The following MS4A12 variants were observed in gnomAD, a reference collection of about 807,000 sequenced individuals.
MS4A12 encodes membrane spanning 4-domains A12.
Under a neutral mutation model 23.7 loss-of-function variants are expected in MS4A12, and 28 were observed. That is an observed-to-expected ratio of 1.18 (90% CI 0.88 to 1.62). MS4A12 has a LOEUF of 1.62. Ranked by LOEUF, MS4A12 falls within the 40% of genes most tolerant of loss-of-function variation. The pLI is 0.00. For missense variants in MS4A12, 342 were observed against 327.0 expected (o/e 1.05, Z -0.35); for synonymous variants, 108 against 110.1 (o/e 0.98, Z 0.12).
intron 2 of MS4A12, 167 bp downstream of exon 2, chr11:60,497,761 C>T: frequency 1.3e-6 from 1 of 776,036 alleles, no homozygotes. Flanking sequence ...GAGTTCATTT[C>T]ATTTTAGATC....
chr11:60,506,575 C>T (rs759282071), intron 5 of MS4A12, among the ~76,000 whole-genome samples, 153 bp from the exon 6 acceptor site: 15 of 152,206 alleles, frequency 9.9e-5, no homozygotes, highest in Non-Finnish European at 1.9e-4. Flanking sequence ...TAAATTCACA[C>T]TCCTCTGGAA....
intron 1 of MS4A12, among the ~76,000 whole-genome samples, chr11:60,495,482 G>A (rs867379791): frequency 6.6e-6 from 1 of 151,844 alleles, no homozygotes; most frequent in Non-Finnish European, 1.5e-5. Context: ...AAAGGGTACA[G>A]AGATAATGTA....
At position 60,502,025 on chromosome 11, in the gene MS4A12, C is replaced by T. The variant is rs750446764; in HGVS notation, c.457C>T (p.Leu153Phe). Residue 153 changes from leucine (L) to phenylalanine (F), a missense_variant, in exon 4 of 7, where the codon CTT becomes TTT. Physicochemically the swap from Leu to Phe is conservative, Grantham distance 22 (BLOSUM62 0). Transcript: ENST00000016913. ...GSLSVSASKE[L>F]SRCLVKGSLG... ...TCTCTCTGTGTCAGCATCCAAGGAG[C>T]TTTCCCGTTGTCTGGTAAGTTAGAC... The T allele has an allele frequency of 6.8e-6, 11 of 1,612,640 alleles. No individual in the cohort carries two copies. The highest frequency in any genetic ancestry group is 8.5e-6 in the Non-Finnish European group (10 of 1,178,674).
At chr11:60,501,846 A>G in intron 3 of MS4A12, 137 bp from the exon 4 acceptor site, 1 of 735,586 alleles carries the variant, frequency 1.4e-6, no homozygotes, top group South Asian at 1.8e-5. Context: ...GAGTTACTCC[A>G]GAAAATTCAG....
chr11:60,506,726 A>G lies in MS4A12; in HGVS notation c.589-2A>G. On this transcript the variant is annotated splice_acceptor_variant, in intron 5 of 6. Coordinates refer to ENST00000016913, the MANE Select transcript of MS4A12 (RefSeq NM_017716.3). LOFTEE classifies it high-confidence loss of function. ...AATTTCACTATTTATTTATGATTTC[A>G]GCTTTCTGGAAAAGGCATTTCAGCC... is the stretch of plus-strand genomic sequence containing the variant. 1 of 1,613,282 alleles carries G rather than the reference A, an allele frequency of 6.2e-7. No individual in the cohort carries two copies. Among genetic ancestry groups the G allele is most frequent in the Non-Finnish European group, 8.5e-7 (1 of 1,179,238 alleles).
At chr11:60,501,891 T>A in intron 3 of MS4A12, 92 bp from the exon 4 acceptor site, 1 of 1,169,428 alleles carries the variant, frequency 8.6e-7, no homozygotes, top group Admixed American at 2.1e-5. Context: ...GGAAACTAGA[T>A]GAACATAAAT....
chr11:60,495,859 A>G (rs186323739), intron 1 of MS4A12, among the ~76,000 whole-genome samples: 5 of 152,322 alleles, frequency 3.3e-5, no homozygotes, highest in Admixed American at 6.5e-5. Context: ...ACTCCTCTCC[A>G]TGGCATCAGA....
At chr11:60,501,607 G>A (rs1001499399) in intron 3 of MS4A12, among the ~76,000 whole-genome samples, 1 of 152,102 alleles carries the variant, frequency 6.6e-6, no homozygotes. Flanking sequence ...CCAGCTACTT[G>A]GGAGGCTGAG....
chr11:60,502,066 A>C (rs930576787), intron 4 of MS4A12, 27 bp downstream of exon 4: 1 of 1,582,972 alleles, frequency 6.3e-7, no homozygotes. Context: ...CTACTTTTTG[A>C]ACCCCTTTAA....
In MS4A12 at chr11:60,507,296, C is replaced by T; in HGVS notation, c.*172C>T. The T allele has an allele frequency of 1.7e-6, 1 of 600,132 alleles. No homozygotes were observed. The highest frequency in any genetic ancestry group is 2.9e-5 in the Admixed American group (1 of 34,036). 37.2% of individuals were successfully genotyped at this position (600,132 alleles called of 1,614,324 possible). A position where few individuals can be genotyped will look rare whatever the true frequency, so the allele number is the denominator to read the frequency against. On this transcript the variant is annotated 3_prime_UTR_variant, in exon 7 of 7. Coordinates refer to ENST00000016913, the MANE Select transcript of MS4A12 (RefSeq NM_017716.3). Reference sequence around the variant, plus strand: ...GCTGTATCTCCCTTCACTGTCTCTTCCTACATTACCACTACTACATGCTGG... The same window carrying T: ...GCTGTATCTCCCTTCACTGTCTCTTTCTACATTACCACTACTACATGCTGG...
intron 5 of MS4A12, among the ~76,000 whole-genome samples, chr11:60,505,767 C>G (rs1481186452): frequency 6.6e-6 from 1 of 152,118 alleles, no homozygotes; most frequent in Non-Finnish European, 1.5e-5. Context: ...CTGTATGGTA[C>G]AAGACCATGA....
At chr11:60,505,178 A>C (rs2086560914) in intron 5 of MS4A12, among the ~76,000 whole-genome samples, 1 of 152,192 alleles carries the variant, frequency 6.6e-6, no homozygotes, top group African/African-American at 2.4e-5. Context: ...GCAGAAGGCA[A>C]GGAGGAGCAA....
chr11:60,501,404 G>A (rs754903611), intron 3 of MS4A12, among the ~76,000 whole-genome samples: 8 of 152,072 alleles, frequency 5.3e-5, no homozygotes, highest in Admixed American at 2.0e-4. Flanking sequence ...GAACTCTTTC[G>A]CCATTTTACC....
intron 3 of MS4A12, among the ~76,000 whole-genome samples, chr11:60,501,400 T>C (rs927497163): frequency 2.0e-5 from 3 of 152,212 alleles, no homozygotes; most frequent in Non-Finnish European, 2.9e-5. Flanking sequence ...TCGGGAACTC[T>C]TTCGCCATTT....
At position 60,497,179 on chromosome 11, in the gene MS4A12, A is replaced by T. The variant is rs192301440; in HGVS notation, c.-6-134A>T. On this transcript the variant is annotated intron_variant, in intron 1 of 6. Transcript: ENST00000016913. ...GACTTATGAGAATCATGTTTCTATC[A>T]GTTGTTATGGCCCATTATCTGCTCA... 2.4e-4 allele frequency: 252 copies of T among 1,037,328 alleles called. No homozygotes were observed. In the Admixed American group the frequency reaches 4.3e-3, roughly 18 times the overall value. The allele number at this position is 1,037,328 out of a possible 1,614,324, so 64.3% of individuals were successfully genotyped here.
chr11:60,496,287 G>A (rs2086486967), intron 1 of MS4A12, among the ~76,000 whole-genome samples: 5 of 152,116 alleles, frequency 3.3e-5, no homozygotes, highest in Admixed American at 3.3e-4. Flanking sequence ...ATATTCATAA[G>A]CACAAGAAAA....
intron 3 of MS4A12, 44 bp downstream of exon 3, chr11:60,501,226 T>C (rs2086528357): frequency 5.2e-6 from 8 of 1,536,866 alleles, no homozygotes; most frequent in Non-Finnish European, 6.1e-6. Flanking sequence ...GTTTATAAAG[T>C]ATTCCCTCTT....
In MS4A12 at chr11:60,506,775, G is replaced by A. The variant is rs2086573237; in HGVS notation, c.636G>A (p.Leu212=). 6.2e-7 allele frequency: 1 copy of A among 1,614,172 alleles called. No individual in the cohort carries two copies. The highest frequency in any genetic ancestry group is 8.5e-7 in the Non-Finnish European group (1 of 1,180,006). The change falls in exon 6 of 7, where the codon TTG becomes TTA. Residue 212 remains leucine, a synonymous_variant. Coordinates refer to ENST00000016913, the MANE Select transcript of MS4A12 (RefSeq NM_017716.3). ...ISATLMIFSL[L]EFFVACATAH... is the part of the protein sequence containing the mutation. ...CCACGCTGATGATCTTCTCCCTCTTGGAGTTCTTCGTAGCTTGTGCCACAG... is the reference window on the plus strand; with the variant it reads ...CCACGCTGATGATCTTCTCCCTCTTAGAGTTCTTCGTAGCTTGTGCCACAG...
At chr11:60,494,366 CA>C (rs904751023) in intron 1 of MS4A12, among the ~76,000 whole-genome samples, 4 of 148,724 alleles carry the variant, frequency 2.7e-5, no homozygotes, top group Non-Finnish European at 6.0e-5. Flanking sequence ...TTTCTCGAGA[CA>C]AAAAAAAAGC....
Sources: gnomAD v4.1 joint callset for allele counts (sites outside exome capture counted in the v4.1 genomes callset) on GRCh38, gnomAD v4.1.1 for gene constraint, MANE v1.5 for transcripts, NCBI Gene and HGNC (gene_info 2026-07-23, HGNC 2026-07-21) for gene names.